EPHA3: variants seen among roughly 807,000 people sequenced by gnomAD.
EPHA3 encodes ephrin type-A receptor 3.
Under a neutral mutation model 107.1 loss-of-function variants are expected in EPHA3, and 42 were observed. The ratio of observed to expected loss-of-function variants is 0.39; its 90% confidence interval spans 0.31 to 0.51. EPHA3 has a LOEUF of 0.51. Among genes scored for constraint, EPHA3 ranks in the 20% least tolerant of loss-of-function variants. The pLI, the probability that EPHA3 is intolerant of heterozygous loss-of-function variation, is 0.78. For missense variants in EPHA3, 1,183 were observed against 1,211.2 expected (o/e 0.98, Z 0.35); for synonymous variants, 461 against 424.8 (o/e 1.09, Z -1.05).
At chr3:89,441,006 G>A in intron 13 of EPHA3, among the ~76,000 whole-genome samples, 1 of 152,196 alleles carries the variant, frequency 6.6e-6, no homozygotes, top group East Asian at 1.9e-4. Context: ...AAGCTGTTAA[G>A]CTGTTAGATA....
chr3:89,253,134 T>C (rs1405131559), intron 3 of EPHA3, among the ~76,000 whole-genome samples: 1 of 152,154 alleles, frequency 6.6e-6, no homozygotes, highest in East Asian at 1.9e-4. Context: ...GCAGGAGTTA[T>C]AGGCTTACAG....
chr3:89,257,676 A>AAAAAAAC, intron 3 of EPHA3, among the ~76,000 whole-genome samples: 1 of 151,514 alleles, frequency 6.6e-6, no homozygotes, highest in Admixed American at 6.6e-5. Context: ...GAAATAATAA[A>AAAAAAAC]AATAACAACT....
intron 2 of EPHA3, among the ~76,000 whole-genome samples, chr3:89,171,342 C>G (rs1705204403): frequency 6.6e-6 from 1 of 152,070 alleles, no homozygotes; most frequent in Admixed American, 6.6e-5. Context: ...ACAATAATGT[C>G]TCAAATTGAT....
intron 3 of EPHA3, among the ~76,000 whole-genome samples, chr3:89,247,703 T>C (rs1380582536): frequency 6.6e-6 from 1 of 152,210 alleles, no homozygotes; most frequent in African/African-American, 2.4e-5. Context: ...CAGTTTTGGG[T>C]ATTTTGTGGC....
intron 5 of EPHA3, among the ~76,000 whole-genome samples, chr3:89,394,265 C>G (rs889973113): frequency 1.3e-5 from 2 of 152,062 alleles, no homozygotes; most frequent in African/African-American, 4.8e-5. Context: ...AAAAAATTAG[C>G]TGATTGTGGT....
chr3:89,208,066 G>T (rs1045159078), intron 2 of EPHA3, among the ~76,000 whole-genome samples: 1 of 152,058 alleles, frequency 6.6e-6, no homozygotes, highest in African/African-American at 2.4e-5. Flanking sequence ...GTCCCATGGG[G>T]TTATACCGTA....
At chr3:89,325,916 TAC>T (rs1707154837) in intron 3 of EPHA3, among the ~76,000 whole-genome samples, 2 of 151,214 alleles carry the variant, frequency 1.3e-5, no homozygotes, top group Non-Finnish European at 3.0e-5. Flanking sequence ...AAGATTTATA[TAC>T]AGTTAAGATA....
chr3:89,170,866 A>G (rs1218941958), intron 2 of EPHA3, among the ~76,000 whole-genome samples: 1 of 151,862 alleles, frequency 6.6e-6, no homozygotes, highest in Non-Finnish European at 1.5e-5. Context: ...TAAGTTCAGT[A>G]GTTTTCTGGT....
intron 3 of EPHA3, among the ~76,000 whole-genome samples, chr3:89,261,925 C>T (rs939849853): frequency 2.6e-5 from 4 of 151,706 alleles, no homozygotes; most frequent in African/African-American, 9.7e-5. Flanking sequence ...CAGACACCCA[C>T]ACATACATAT....
intron 2 of EPHA3, among the ~76,000 whole-genome samples, chr3:89,144,724 A>C (rs956996753): frequency 6.6e-6 from 1 of 151,634 alleles, no homozygotes; most frequent in African/African-American, 2.4e-5. Context: ...TCGTTTCCAA[A>C]CACTCTGTGG....
intron 3 of EPHA3, among the ~76,000 whole-genome samples, chr3:89,278,103 C>A (rs1204435300): frequency 6.6e-6 from 1 of 152,114 alleles, no homozygotes; most frequent in Non-Finnish European, 1.5e-5. Flanking sequence ...CCCCAGCAGT[C>A]CTTTAAAATA....
intron 5 of EPHA3, among the ~76,000 whole-genome samples, chr3:89,368,249 A>G (rs1708221624): frequency 6.6e-6 from 1 of 150,510 alleles, no homozygotes; most frequent in Admixed American, 6.7e-5. Context: ...GGCAGAATTT[A>G]GATCATAAGT....
intron 3 of EPHA3, among the ~76,000 whole-genome samples, chr3:89,340,342 G>A (rs1012431514): frequency 1.1e-4 from 17 of 152,028 alleles, no homozygotes; most frequent in African/African-American, 3.9e-4. Context: ...TTTATTTTAG[G>A]CCATTGCCAT....
intron 3 of EPHA3, among the ~76,000 whole-genome samples, chr3:89,277,528 C>T (rs73846114): frequency 0.034 from 5,245 of 152,122 alleles, 309 homozygotes; most frequent in African/African-American, 0.12. Context: ...TTGTTCTAGA[C>T]CACTGAAAAC....
At position 89,145,049 on chromosome 3, in the gene EPHA3, G is replaced by A. The variant is rs144203436; in HGVS notation, c.153+17776G>A. On this transcript the variant is annotated intron_variant, in intron 2 of 16. Transcript: ENST00000336596. ...AATTGAATTTACCCTCATAAAATAA[G>A]ACAAGTTCTTTTTCCTTTCCAGGAA... Among the ~76,000 whole-genome samples, 117 of 151,692 alleles carry A rather than the reference G, an allele frequency of 7.7e-4. 1 individual carries two copies. In the East Asian group the frequency reaches 0.013, roughly 17 times the overall value.
chr3:89,293,451 C>A (rs1396848256), intron 3 of EPHA3, among the ~76,000 whole-genome samples: 1 of 152,034 alleles, frequency 6.6e-6, no homozygotes, highest in Non-Finnish European at 1.5e-5. Flanking sequence ...TTTAAGGGGC[C>A]AGATAATAAA....
intron 7 of EPHA3, among the ~76,000 whole-genome samples, chr3:89,401,340 C>T (rs1054295761): frequency 1.3e-5 from 2 of 152,140 alleles, no homozygotes; most frequent in Non-Finnish European, 2.9e-5. Context: ...TCCTCAAATA[C>T]GTAAATCTAT....
rs537532483 is a variant in EPHA3 at position 89,135,120 on chromosome 3, A to G, written c.153+7847A>G. 2.0e-5 allele frequency among the ~76,000 whole-genome samples: 3 copies of G among 152,274 alleles called. No homozygotes were observed. In the East Asian group the frequency reaches 5.8e-4, roughly 29 times the overall value. ...TTTATTTATAATTTTTAGTGATGAG[A>G]ATGTTCTCAAATATTGATATTTCAG... On this transcript the variant is annotated intron_variant, in intron 2 of 16. Transcript: ENST00000336596.
At chr3:89,257,102 G>T (rs1331342225) in intron 3 of EPHA3, among the ~76,000 whole-genome samples, 1 of 152,100 alleles carries the variant, frequency 6.6e-6, no homozygotes, top group Admixed American at 6.5e-5. Flanking sequence ...TCAAATGGCT[G>T]GAAAAGCAAA....
Sources: allele counts gnomAD v4.1 joint callset (sites outside exome capture counted in the v4.1 genomes callset), GRCh38; gene constraint gnomAD v4.1.1; transcripts MANE v1.5; gene names NCBI Gene and HGNC (gene_info 2026-07-23, HGNC 2026-07-21).